Variants in NFATC3 observed in about 807,000 individuals in gnomAD.
NFATC3 encodes the protein nuclear factor of activated T-cells, cytoplasmic 3.
NFATC3 carries 46 observed loss-of-function variants against 98.6 expected under a neutral mutation model. The ratio of observed to expected loss-of-function variants is 0.47; its 90% CI spans 0.37 to 0.60. NFATC3 has a LOEUF of 0.60. Ranked by LOEUF, NFATC3 falls within the 20% of genes least tolerant of loss-of-function variation. The pLI is 0.00. For missense variants in NFATC3, 1,256 were observed against 1,295.5 expected, an observed-to-expected ratio of 0.97 and a Z score of 0.47; for synonymous variants, 512 against 472.2, an observed-to-expected ratio of 1.08 and a Z score of -1.09.
chr16:68,101,478 GT>G (rs534378964), intron 1 of NFATC3, among the ~76,000 whole-genome samples: 38 of 138,832 alleles, frequency 2.7e-4, no homozygotes, highest in Middle Eastern at 4.0e-3. Context: ...ATAGTTTTAG[GT>G]TTTTTTTTTT....
chr16:68,221,853 A>G (rs1187553343), intron 9 of NFATC3, among the ~76,000 whole-genome samples: 1 of 152,254 alleles, frequency 6.6e-6, no homozygotes, highest in Non-Finnish European at 1.5e-5. Flanking sequence ...GCAGGCTTCC[A>G]TTATAATCAA....
At chr16:68,124,464 G>T (rs1359969358) in intron 2 of NFATC3, among the ~76,000 whole-genome samples, 1 of 142,668 alleles carries the variant, frequency 7.0e-6, no homozygotes, top group African/African-American at 2.6e-5. Context: ...ATGGAGTCTC[G>T]CTCTGTTGCC....
intron 8 of NFATC3, among the ~76,000 whole-genome samples, chr16:68,186,422 C>G (rs1328986933): frequency 6.6e-6 from 1 of 152,046 alleles, no homozygotes; most frequent in East Asian, 1.9e-4. Context: ...AGCCTGTAGT[C>G]CCAGCTGCTG....
chr16:68,162,729 G>T (rs1429787687), intron 4 of NFATC3, among the ~76,000 whole-genome samples: 1 of 151,656 alleles, frequency 6.6e-6, no homozygotes, highest in South Asian at 2.1e-4. Flanking sequence ...GACAAGCAAA[G>T]ATCAAAGAAC....
chr16:68,192,249 A>ATT (rs2040460658), intron 9 of NFATC3: 1 of 113,532 alleles, frequency 8.8e-6, no homozygotes, highest in East Asian at 5.5e-4. Flanking sequence ...ATATATATAT[A>ATT]TATATGTATG....
intron 8 of NFATC3, among the ~76,000 whole-genome samples, chr16:68,187,665 T>TG (rs897167362): frequency 5.9e-5 from 9 of 152,084 alleles, no homozygotes; most frequent in African/African-American, 2.2e-4. Context: ...GAGGAGACCC[T>TG]GGGGTGGGTA....
rs576183554 is a variant in NFATC3, at chr16:68,122,870, G to A, written c.987G>A (p.Gln329=). The change falls in exon 2 of 10, where the codon CAG becomes CAA. Residue 329 remains glutamine, a synonymous_variant. Transcript: ENST00000346183. The part of the protein sequence containing the change: ...SGLGPAVFPF[Q]YCVETDIPLK... ...TTGGCCCTGCAGTTTTTCCATTTCA[G>A]TACTGTGTAGAGACTGACATCCCTC... 5 of 1,614,210 alleles carry A rather than the reference G, an allele frequency of 3.1e-6. No individual in the cohort carries two copies. In the African/African-American group the frequency reaches 5.3e-5, roughly 17 times the overall value.
chr16:68,185,563 T>C (rs983489619), intron 8 of NFATC3, among the ~76,000 whole-genome samples: 4 of 151,966 alleles, frequency 2.6e-5, no homozygotes, highest in African/African-American at 9.7e-5. Flanking sequence ...CTTACTACCT[T>C]ATAATGGTAG....
At chr16:68,115,157 G>A (rs1418213670) in intron 1 of NFATC3, among the ~76,000 whole-genome samples, 3 of 151,394 alleles carry the variant, frequency 2.0e-5, no homozygotes, top group East Asian at 2.0e-4. Context: ...TCCGCCTCCC[G>A]GCTTCAAGTG....
rs183415323 is a variant in NFATC3, at chr16:68,092,370, T to C, written c.103+6586T>C. Among the ~76,000 whole-genome samples the C allele has an allele frequency of 5.3e-3, 797 of 151,534 alleles. 6 individuals carry two copies. Among genetic ancestry groups the C allele is most frequent in the African/African-American group, 0.019 (768 of 41,294 alleles). On this transcript the variant is annotated intron_variant, in intron 1 of 9. Coordinates refer to ENST00000346183, the MANE Select transcript of NFATC3 (RefSeq NM_173165.3). The stretch of plus-strand genomic sequence containing the variant: ...ACTTGGGAGGCTGAGGCAGAATTGC[T>C]TGAACTTGGGAGGTGGAGGTTGCAG...
chr16:68,114,730 A>G (rs539942792), intron 1 of NFATC3, among the ~76,000 whole-genome samples: 2 of 151,844 alleles, frequency 1.3e-5, no homozygotes, highest in East Asian at 3.9e-4. Context: ...AAGTGCCACC[A>G]CGCCCAGATA....
chr16:68,089,373 G>A (rs768645261), intron 1 of NFATC3: 10 of 790,930 alleles, frequency 1.3e-5, no homozygotes, highest in Non-Finnish European at 1.5e-5. Context: ...TACTGTTTGC[G>A]AGATATTTTG....
chr16:68,210,484 GA>G (rs1342366375), intron 9 of NFATC3, among the ~76,000 whole-genome samples: 1 of 151,790 alleles, frequency 6.6e-6, no homozygotes, highest in Admixed American at 6.6e-5. Context: ...AAAAATAAAA[GA>G]ATTTTTACAA....
intron 9 of NFATC3, among the ~76,000 whole-genome samples, chr16:68,204,854 A>C (rs1050460551): frequency 2.6e-5 from 4 of 152,238 alleles, no homozygotes; most frequent in African/African-American, 9.6e-5. Flanking sequence ...TAGGTTCAGC[A>C]GTTGAACAAG....
chr16:68,187,606 C>G (rs2040260102), intron 8 of NFATC3, among the ~76,000 whole-genome samples: 1 of 152,108 alleles, frequency 6.6e-6, no homozygotes, highest in Non-Finnish European at 1.5e-5. Context: ...GAATGGGTAG[C>G]TCCTCTCCAC....
intron 1 of NFATC3, among the ~76,000 whole-genome samples, chr16:68,101,324 C>A (rs936614429): frequency 6.6e-6 from 1 of 151,864 alleles, no homozygotes; most frequent in Non-Finnish European, 1.5e-5. Context: ...TTAAATTTTT[C>A]GTAGAGATAT....
chr16:68,198,784 C>G (rs1417668507), intron 9 of NFATC3, among the ~76,000 whole-genome samples: 4 of 152,132 alleles, frequency 2.6e-5, no homozygotes, highest in African/African-American at 9.7e-5. Context: ...CGTGTTGGCT[C>G]ACGCCTGTAA....
intron 6 of NFATC3, among the ~76,000 whole-genome samples, chr16:68,176,032 GCGGTGGCACTAT>G (rs1364346848): frequency 6.6e-6 from 1 of 151,674 alleles, no homozygotes; most frequent in African/African-American, 2.4e-5. Context: ...CGGCTGGAGT[GCGGTGGCACTAT>G]CTCAGCTCAC....
intron 1 of NFATC3, among the ~76,000 whole-genome samples, chr16:68,106,129 C>T (rs982436486): frequency 1.3e-5 from 2 of 152,002 alleles, no homozygotes; most frequent in African/African-American, 4.8e-5. Context: ...TTCGGCCTCC[C>T]AGAGTGCTGG....
Sources: allele counts gnomAD v4.1 joint callset (sites outside exome capture counted in the v4.1 genomes callset), GRCh38; gene constraint gnomAD v4.1.1; transcripts MANE v1.5; gene names NCBI Gene and HGNC (gene_info 2026-07-23, HGNC 2026-07-21).